The following WDR59 variants were observed in gnomAD, a reference collection of about 807,000 sequenced individuals.
WDR59 encodes the protein GATOR2 complex protein WDR59.
Under a neutral mutation model 131.2 loss-of-function variants are expected in WDR59, and 100 were observed. That is an observed-to-expected ratio of 0.76 (90% CI 0.65 to 0.90). The LOEUF is 0.90. Ranked by LOEUF, WDR59 falls within the 40% of genes least tolerant of loss-of-function variation. WDR59 has a pLI of 0.00. For missense variants in WDR59, 1,203 were observed against 1,262.2 expected, an observed-to-expected ratio of 0.95 and a Z score of 0.71; for synonymous variants, 601 against 466.2, an observed-to-expected ratio of 1.29 and a Z score of -3.72.
Position 74,956,521 on chromosome 16 carries a change from A to T in WDR59, c.194T>A (p.Val65Glu), listed in dbSNP as rs1470899019. 6.2e-7 allele frequency: 1 copy of T among 1,614,140 alleles called. No homozygotes were observed. The highest frequency in any genetic ancestry group is 1.1e-5 in the South Asian group (1 of 91,086). The change falls in exon 3 of 26, where the codon GTG (valine) becomes GAG (glutamate). Residue 65 changes from valine to glutamate, a missense_variant. By Grantham distance (121) the Val-to-Glu change is moderately radical. Transcript: ENST00000262144. ...SRQSKWDIGA[V>E]QWNPHDSFAH... is the part of the protein sequence containing the mutation. Reference sequence around the variant, plus strand: ...AAAGCTGTCATGAGGATTCCACTGCACAGCTCCAATGTCCCATTTGCTCTG... The same window carrying T: ...AAAGCTGTCATGAGGATTCCACTGCTCAGCTCCAATGTCCCATTTGCTCTG...
intron 1 of WDR59, among the ~76,000 whole-genome samples, chr16:74,968,577 C>T (rs748137299): frequency 1.3e-5 from 2 of 152,058 alleles, no homozygotes; most frequent in Non-Finnish European, 2.9e-5. Flanking sequence ...AAAAATCAGC[C>T]AGGCGTGGTG....
At chr16:74,919,867 G>A (rs1597717614) in intron 10 of WDR59, among the ~76,000 whole-genome samples, 2 of 151,978 alleles carry the variant, frequency 1.3e-5, no homozygotes, top group Admixed American at 1.3e-4. Context: ...AATAAAAATT[G>A]ATGACTACCA....
chr16:74,935,191 C>G (rs1418566832), intron 8 of WDR59, among the ~76,000 whole-genome samples: 5 of 151,890 alleles, frequency 3.3e-5, no homozygotes, highest in Admixed American at 1.3e-4. Flanking sequence ...GATCACACCA[C>G]TGCAATCGAG....
Position 74,951,517 on chromosome 16 carries a change from C to T in WDR59, c.267G>A (p.Lys89=), listed in dbSNP as rs775802076. The T allele has an allele frequency of 6.2e-6, 10 of 1,600,988 alleles. No homozygotes were observed. The East Asian group carries it at 2.0e-4, about 32-fold the overall frequency. ...CAACTTCCCCACTGCCGTCTTTCCA[C>T]TTGTAAAGGTCTACTCGTTGGTTAC... ...ASSNQRVDLY[K]WKDGSGEVGT... Residue 89 remains lysine, a synonymous_variant, in exon 4 of 26, where the codon AAG becomes AAA. Transcript: ENST00000262144.
chr16:74,953,896 G>T (rs943590950), intron 3 of WDR59, among the ~76,000 whole-genome samples: 14 of 151,966 alleles, frequency 9.2e-5, no homozygotes, highest in Non-Finnish European at 1.8e-4. Context: ...CAGCTACTTG[G>T]GAGGCTGAGG....
intron 18 of WDR59, among the ~76,000 whole-genome samples, chr16:74,896,630 G>T (rs1383751492): frequency 7.8e-6 from 1 of 127,870 alleles, no homozygotes; most frequent in Non-Finnish European, 1.6e-5. Context: ...GCAAGACCCT[G>T]CCTAAAAAAA....
rs1194288789 is a variant in WDR59 at position 74,909,488 on chromosome 16, C to A, written c.1642+13G>T. ...CTCTCGAAATCTAGAATCAAAGAAC[C>A]AAAGAGACCCACCTGCTCCGCAGAA... On this transcript the variant is annotated intron_variant, in intron 16 of 25. Coordinates refer to ENST00000262144, the MANE Select transcript of WDR59 (RefSeq NM_030581.4). 9.1e-6 allele frequency: 14 copies of A among 1,534,150 alleles called. 1 individual carries two copies. The highest frequency in any genetic ancestry group is 2.4e-4 in the Middle Eastern group (1 of 4,118).
At chr16:74,954,791 T>G (rs1182126276) in intron 3 of WDR59, among the ~76,000 whole-genome samples, 1 of 152,250 alleles carries the variant, frequency 6.6e-6, no homozygotes, top group Non-Finnish European at 1.5e-5. Context: ...TAAAAAGGAA[T>G]GAAGTTCTGA....
intron 1 of WDR59, among the ~76,000 whole-genome samples, chr16:74,971,478 G>A (rs2033982102): frequency 1.4e-5 from 2 of 138,046 alleles, no homozygotes; most frequent in Non-Finnish European, 3.0e-5. Flanking sequence ...TGTCACCCAG[G>A]CTGGAGTGCA....
At chr16:74,978,192 G>A (rs538931883) in intron 1 of WDR59, among the ~76,000 whole-genome samples, 151 of 152,164 alleles carry the variant, frequency 9.9e-4, no homozygotes, top group African/African-American at 3.5e-3. Context: ...GCGTGGTGAT[G>A]GGCTCCTGTA....
chr16:74,945,811 A>G (rs1597773883), intron 6 of WDR59, among the ~76,000 whole-genome samples: 1 of 147,776 alleles, frequency 6.8e-6, no homozygotes, highest in Non-Finnish European at 1.5e-5. Flanking sequence ...CCACATTCAC[A>G]TAACTTTTTT....
At chr16:74,924,238 G>A (rs532235659) in intron 8 of WDR59, among the ~76,000 whole-genome samples, 1 of 152,190 alleles carries the variant, frequency 6.6e-6, no homozygotes, top group Non-Finnish European at 1.5e-5. Context: ...ACTAAACGCG[G>A]CAGGTCACTG....
intron 7 of WDR59, among the ~76,000 whole-genome samples, chr16:74,940,471 C>T (rs1456163088): frequency 6.6e-6 from 1 of 151,490 alleles, no homozygotes; most frequent in Non-Finnish European, 1.5e-5. Context: ...AAATGTAAAA[C>T]TCTTAAAAGA....
chr16:74,880,950 A>G (rs553665108), intron 25 of WDR59, among the ~76,000 whole-genome samples: 1 of 152,344 alleles, frequency 6.6e-6, no homozygotes, highest in Admixed American at 6.5e-5. Flanking sequence ...CGTTAAATGA[A>G]TATACTGAAC....
intron 7 of WDR59, among the ~76,000 whole-genome samples, chr16:74,940,701 T>TTTTA (rs1259250429): frequency 1.3e-5 from 2 of 152,040 alleles, no homozygotes; most frequent in Non-Finnish European, 2.9e-5. Flanking sequence ...ATTATTTTAA[T>TTTTA]TTTATTTATT....
In WDR59 at chr16:74,885,794, G is replaced by A. The variant is rs1964728295; in HGVS notation, c.2548C>T (p.Leu850Phe). The change falls in exon 25 of 26, where the codon CTC (leucine) becomes TTC (phenylalanine). Residue 850 changes from leucine (L) to phenylalanine (F), a missense_variant and splice_region_variant. Leu to Phe is a conservative substitution (Grantham distance 22). Coordinates refer to ENST00000262144, the MANE Select transcript of WDR59 (RefSeq NM_030581.4). Reference sequence around the variant, plus strand: ...TGCTGGGTATTGGCGGGGTCCAGGAGCCTGGATAAAGTTAAAAAGATTTCC... The same window carrying A: ...TGCTGGGTATTGGCGGGGTCCAGGAACCTGGATAAAGTTAAAAAGATTTCC... ...ERDQHDKNKR[L>F]LDPANTQQFD... 1 of 1,608,468 alleles carries A rather than the reference G, an allele frequency of 6.2e-7. No individual in the cohort carries two copies. The highest frequency in any genetic ancestry group is 8.5e-7 in the Non-Finnish European group (1 of 1,178,814).
chr16:74,985,025 G>T lies in WDR59; in HGVS notation c.-8C>A, dbSNP rs746699390. ...GCTCCATCGCGCCGCCATCTCCCCCGCCCGGCCGCCGCGGCCCCAGGACGG... is the reference window on the plus strand; with the variant it reads ...GCTCCATCGCGCCGCCATCTCCCCCTCCCGGCCGCCGCGGCCCCAGGACGG... On this transcript the variant is annotated 5_prime_UTR_variant, in exon 1 of 26. Coordinates refer to ENST00000262144, the MANE Select transcript of WDR59 (RefSeq NM_030581.4). 1.3e-6 allele frequency: 2 copies of T among 1,568,002 alleles called. No homozygotes were observed. The highest frequency in any genetic ancestry group is 8.6e-7 in the Non-Finnish European group (1 of 1,156,264).
At chr16:74,936,592 G>A (rs909686911) in intron 8 of WDR59, among the ~76,000 whole-genome samples, 5 of 152,078 alleles carry the variant, frequency 3.3e-5, no homozygotes, top group Admixed American at 1.3e-4. Context: ...TTGGGAGGCC[G>A]AGATGGGCGG....
In WDR59 at chr16:74,922,011, T is replaced by C. The variant is rs1451522523; in HGVS notation, c.822A>G (p.Pro274=). Residue 274 remains proline (P), a synonymous_variant, in exon 10 of 26, where the codon CCA becomes CCG. Transcript: ENST00000262144. The stretch of plus-strand genomic sequence containing the variant: ...CATCATGCCCCACGAAGGTGTGGAC[T>C]GGGGTGTTCAAGTCAAAGACATTCC... ...LLWNVFDLNT[P]VHTFVGHDDV... 1 of 1,614,188 alleles carries C rather than the reference T, an allele frequency of 6.2e-7. No individual in the cohort carries two copies. Among genetic ancestry groups the C allele is most frequent in the Admixed American group, 1.7e-5 (1 of 60,014 alleles).
Sources: gnomAD v4.1 joint callset for allele counts (sites outside exome capture counted in the v4.1 genomes callset) on GRCh38, gnomAD v4.1.1 for gene constraint, MANE v1.5 for transcripts, NCBI Gene and HGNC (gene_info 2026-07-23, HGNC 2026-07-21) for gene names.